The following RYR3 variants were observed in gnomAD, a reference collection of about 807,000 sequenced individuals.
RYR3 encodes the protein ryanodine receptor 3.
RYR3 carries 207 observed loss-of-function variants against 584.3 expected under a neutral mutation model. That is an observed-to-expected ratio of 0.35 (90% confidence interval 0.32 to 0.40). The LOEUF is 0.40. RYR3 is among the 10% of genes least tolerant of loss of function. The pLI is 1.00. For missense variants in RYR3, 5,616 were observed against 6,089.2 expected (o/e 0.92, Z 2.59); for synonymous variants, 2,416 against 2,248.5 (o/e 1.07, Z -2.11).
At chr15:33,725,976 C>CGCCAAAA (rs1555427643) in intron 45 of RYR3, among the ~76,000 whole-genome samples, 2,186 of 31,396 alleles carry the variant, frequency 0.07, 520 homozygotes, top group East Asian at 0.13. Flanking sequence ...TCCCCCCCCC[C>CGCCAAAA]AAAAAAAAAA....
At chr15:33,656,561 C>T (rs755219089) in intron 32 of RYR3, among the ~76,000 whole-genome samples, 16 of 152,158 alleles carry the variant, frequency 1.1e-4, no homozygotes, top group African/African-American at 1.9e-4. Flanking sequence ...TTCAGAGTTC[C>T]GCAGGCTTGA....
chr15:33,462,175 C>T (rs1304193105), intron 1 of RYR3, among the ~76,000 whole-genome samples: 2 of 152,180 alleles, frequency 1.3e-5, no homozygotes, highest in Non-Finnish European at 2.9e-5. Flanking sequence ...TTAACATCTA[C>T]TAACTTTATA....
At position 33,800,235 on chromosome 15, in the gene RYR3, T is replaced by C. The variant is rs2075849255; in HGVS notation, c.9831-535T>C. Among the ~76,000 whole-genome samples, 3 of 152,202 alleles carry C rather than the reference T, an allele frequency of 2.0e-5. No homozygotes were observed. In the South Asian group the frequency reaches 6.2e-4, roughly 31 times the overall value. On this transcript the variant is annotated intron_variant, in intron 67 of 103. Transcript: ENST00000634891. Reference sequence around the variant, plus strand: ...ACTTCAAATCACAGCGAAAAACATATTATCTTACAAATTTCATTGATAAAA... The same window carrying C: ...ACTTCAAATCACAGCGAAAAACATACTATCTTACAAATTTCATTGATAAAA...
chr15:33,658,449 C>T (rs1324450567), intron 32 of RYR3, among the ~76,000 whole-genome samples: 1 of 152,212 alleles, frequency 6.6e-6, no homozygotes, highest in Non-Finnish European at 1.5e-5. Flanking sequence ...ATAAAATAAT[C>T]TAGGAAGTGA....
intron 52 of RYR3, 131 bp from the exon 53 acceptor site, chr15:33,745,937 T>C: frequency 1.5e-6 from 1 of 678,816 alleles, no homozygotes; most frequent in South Asian, 1.7e-5. Flanking sequence ...TTAGGCATTT[T>C]TGAGGAGAAT....
At chr15:33,401,971 C>T (rs2042705805) in intron 1 of RYR3, among the ~76,000 whole-genome samples, 6 of 151,978 alleles carry the variant, frequency 3.9e-5, no homozygotes, top group Admixed American at 3.9e-4. Context: ...AGATAATATA[C>T]AAGGCCAAGG....
chr15:33,763,896 A>AACAAAAAAC (rs1407246825), intron 60 of RYR3, among the ~76,000 whole-genome samples: 5 of 127,014 alleles, frequency 3.9e-5, no homozygotes, highest in African/African-American at 1.7e-4. Context: ...TCATCTCAAA[A>AACAAAAAAC]AAAAAAAAAA....
intron 64 of RYR3, 144 bp downstream of exon 64, chr15:33,773,759 A>ACATGCT: frequency 1.5e-6 from 1 of 660,684 alleles, no homozygotes; most frequent in Non-Finnish European, 2.7e-6. Context: ...CTTGTTTATG[A>ACATGCT]CATGCTTTTG....
intron 1 of RYR3, among the ~76,000 whole-genome samples, chr15:33,349,467 A>C (rs1972915221): frequency 1.3e-5 from 2 of 152,118 alleles, no homozygotes; most frequent in South Asian, 4.1e-4. Flanking sequence ...GAATTTATCC[A>C]TTCTAATAGA....
At chr15:33,818,519 C>A in intron 75 of RYR3, 59 bp from the exon 76 acceptor site, 2 of 1,272,990 alleles carry the variant, frequency 1.6e-6, no homozygotes, top group Non-Finnish European at 2.3e-6. Context: ...GTTCGCATGC[C>A]AGTCACGTGG....
intron 43 of RYR3, among the ~76,000 whole-genome samples, chr15:33,718,278 A>G (rs1174560845): frequency 6.6e-6 from 1 of 152,230 alleles, no homozygotes; most frequent in African/African-American, 2.4e-5. Flanking sequence ...TAATGGAACA[A>G]TGGGTAGCCA....
chr15:33,803,393 C>T (rs1003429227), intron 69 of RYR3, among the ~76,000 whole-genome samples: 27 of 152,214 alleles, frequency 1.8e-4, no homozygotes, highest in African/African-American at 6.0e-4. Context: ...TTCAAATCCA[C>T]CTTTCGGGGA....
intron 1 of RYR3, among the ~76,000 whole-genome samples, chr15:33,339,947 T>C (rs1971624625): frequency 6.6e-6 from 1 of 152,046 alleles, no homozygotes; most frequent in Admixed American, 6.5e-5. Context: ...AGGAATGTTT[T>C]TGTGGCTTAA....
intron 43 of RYR3, among the ~76,000 whole-genome samples, chr15:33,717,295 C>T (rs542612726): frequency 2.0e-5 from 3 of 152,216 alleles, no homozygotes; most frequent in Non-Finnish European, 2.9e-5. Flanking sequence ...AGGTTTAATA[C>T]GCATCTTAAA....
intron 57 of RYR3, among the ~76,000 whole-genome samples, chr15:33,752,601 A>G (rs1003178521): frequency 3.3e-5 from 5 of 152,042 alleles, no homozygotes; most frequent in African/African-American, 1.2e-4. Context: ...ACTTTGCTGA[A>G]GTTGATTATC....
At chr15:33,816,991 G>T (rs1406481766) in intron 75 of RYR3, 33 bp downstream of exon 75, 1 of 1,315,314 alleles carries the variant, frequency 7.6e-7, no homozygotes, top group Non-Finnish European at 1.1e-6. Context: ...GCAGATATGA[G>T]TGTGGATGAA....
At chr15:33,499,879 A>G (rs1054343581) in intron 2 of RYR3, among the ~76,000 whole-genome samples, 2 of 152,210 alleles carry the variant, frequency 1.3e-5, no homozygotes, top group African/African-American at 2.4e-5. Flanking sequence ...TGTATCACTG[A>G]GGCATGACTG....
chr15:33,782,724 A>C (rs2074459108), intron 65 of RYR3, among the ~76,000 whole-genome samples: 1 of 152,234 alleles, frequency 6.6e-6, no homozygotes, highest in African/African-American at 2.4e-5. Flanking sequence ...TCATGTCTTC[A>C]GTTAATTGGG....
Position 33,566,733 on chromosome 15 carries a change from A to T in RYR3, c.1202A>T (p.Gln401Leu), listed in dbSNP as rs756358942. 5.0e-6 allele frequency: 8 copies of T among 1,613,702 alleles called. No individual in the cohort carries two copies. Among genetic ancestry groups the T allele is most frequent in the Admixed American group, 3.3e-5 (2 of 59,994 alleles). The change falls in exon 12 of 104, where the codon CAG becomes CTG. Residue 401 changes from glutamine to leucine, a missense_variant. This residue lies in a region of RYR3 where 1,284 missense variants were observed against 1,344.6 expected (regional missense o/e 0.95). Coordinates refer to ENST00000634891, the MANE Select transcript of RYR3 (RefSeq NM_001036.6). ...GATGGATTAACACTGCAGAGATGCC[A>T]GCGTGAGGAGTCCCAGGCTGCTCGG... The part of the protein sequence containing the change: ...MDDGLTLQRC[Q>L]REESQAARII...
Sources: allele counts gnomAD v4.1 joint callset (sites outside exome capture counted in the v4.1 genomes callset), GRCh38; gene constraint gnomAD v4.1.1; regional missense constraint gnomAD v4.1.1; transcripts MANE v1.5; gene names NCBI Gene and HGNC (gene_info 2026-07-23, HGNC 2026-07-21).